KIAA1671: variants seen among roughly 807,000 people sequenced by gnomAD.
The protein encoded by KIAA1671 is uncharacterized protein KIAA1671.
KIAA1671 carries 52 observed loss-of-function variants against 131.2 expected under a neutral mutation model. That is an observed-to-expected ratio of 0.40 (90% CI 0.32 to 0.50). KIAA1671 has a LOEUF of 0.50. Among genes scored for constraint, KIAA1671 ranks in the 20% least tolerant of loss-of-function variants. The pLI, the probability that KIAA1671 is intolerant of heterozygous loss-of-function variation, is 0.73. For missense variants in KIAA1671, 2,360 were observed against 2,364.2 expected, an observed-to-expected ratio of 1.00 and a Z score of 0.04; for synonymous variants, 1,003 against 961.6, an observed-to-expected ratio of 1.04 and a Z score of -0.80.
At chr22:25,160,297 C>T (rs760788096) in intron 6 of KIAA1671, among the ~76,000 whole-genome samples, 16 of 152,270 alleles carry the variant, frequency 1.1e-4, no homozygotes, top group Non-Finnish European at 1.5e-4. Flanking sequence ...CAGGTGCACA[C>T]GGGTGTGCCC....
intron 1 of KIAA1671, among the ~76,000 whole-genome samples, chr22:24,988,631 G>A (rs1923676512): frequency 6.6e-6 from 1 of 151,586 alleles, no homozygotes; most frequent in South Asian, 2.1e-4. Flanking sequence ...AGCTACTTGG[G>A]AGGCTGAGGC....
intron 4 of KIAA1671, among the ~76,000 whole-genome samples, chr22:25,033,145 G>T (rs1178674316): frequency 1.3e-5 from 2 of 152,162 alleles, no homozygotes; most frequent in African/African-American, 4.8e-5. Context: ...CACTTTGGGA[G>T]GCTGAGGTGG....
At chr22:25,047,052 C>T (rs1366980647) in intron 5 of KIAA1671, among the ~76,000 whole-genome samples, 3 of 151,548 alleles carry the variant, frequency 2.0e-5, no homozygotes, top group Non-Finnish European at 2.9e-5. Flanking sequence ...CTCACTGCGG[C>T]CTCAACCTCC....
chr22:25,037,169 A>G (rs1469209644), intron 4 of KIAA1671, among the ~76,000 whole-genome samples: 1 of 152,180 alleles, frequency 6.6e-6, no homozygotes, highest in Non-Finnish European at 1.5e-5. Context: ...CTAAAAACAC[A>G]AAAATTGGCT....
intron 6 of KIAA1671, among the ~76,000 whole-genome samples, chr22:25,092,168 A>G (rs1427914833): frequency 4.6e-5 from 7 of 152,236 alleles, no homozygotes; most frequent in Non-Finnish European, 1.0e-4. Context: ...AATTCCAAAT[A>G]CAGATAAATG....
chr22:24,988,366 C>T (rs973984420), intron 1 of KIAA1671, among the ~76,000 whole-genome samples: 3 of 151,866 alleles, frequency 2.0e-5, no homozygotes, highest in African/African-American at 7.2e-5. Flanking sequence ...TCTATTCTGA[C>T]CCCCGCTCAG....
At position 25,177,517 on chromosome 22, in the gene KIAA1671, C is replaced by T; in HGVS notation, c.5069C>T (p.Ser1690Leu). Reference protein sequence around the residue: ...ETDNTWMFKDSTEEKSPRKEE... With the variant: ...ETDNTWMFKDLTEEKSPRKEE... ...GACAACACGTGGATGTTCAAAGACTCAACGGGTATGCCATGACTTCTCTCC... is the reference window on the plus strand; with the variant it reads ...GACAACACGTGGATGTTCAAAGACTTAACGGGTATGCCATGACTTCTCTCC... The change falls in exon 9 of 13, where the codon TCA becomes TTA. Residue 1690 changes from serine to leucine, a missense_variant. Physicochemically the swap from Ser to Leu is moderately radical, Grantham distance 145. This residue lies in a region of KIAA1671 where 1,161 missense variants were observed against 1,204.7 expected (regional missense o/e 0.96). Transcript: ENST00000358431. The T allele has an allele frequency of 6.4e-7, 1 of 1,550,450 alleles. No individual in the cohort carries two copies. The highest frequency in any genetic ancestry group is 8.7e-7 in the Non-Finnish European group (1 of 1,145,930).
chr22:25,117,298 T>C (rs183926508), intron 6 of KIAA1671, among the ~76,000 whole-genome samples: 31 of 152,238 alleles, frequency 2.0e-4, no homozygotes, highest in African/African-American at 7.0e-4. Flanking sequence ...ACCACACAGC[T>C]GCCCCTGTGG....
chr22:24,957,362 G>C lies in KIAA1671; in HGVS notation c.-208+4590G>C, dbSNP rs1921768314. 2.6e-5 allele frequency among the ~76,000 whole-genome samples: 4 copies of C among 152,298 alleles called. No individual in the cohort carries two copies. The South Asian group carries it at 6.2e-4, about 24-fold the overall frequency. Reference sequence around the variant, plus strand: ...ACCCAGAATTCAGGATGTGCTGAATGAATAAAAGTTAGACCATGGGCAGCA... The same window carrying C: ...ACCCAGAATTCAGGATGTGCTGAATCAATAAAAGTTAGACCATGGGCAGCA... On this transcript the variant is annotated intron_variant, in intron 1 of 12. Coordinates refer to ENST00000358431, the MANE Select transcript of KIAA1671 (RefSeq NM_001145206.2).
chr22:25,133,718 T>A (rs531030664), intron 6 of KIAA1671, among the ~76,000 whole-genome samples: 11 of 152,034 alleles, frequency 7.2e-5, no homozygotes, highest in African/African-American at 2.2e-4. Flanking sequence ...AATTAAAAAA[T>A]TTTTTTTCTT....
intron 1 of KIAA1671, among the ~76,000 whole-genome samples, chr22:24,955,383 G>A (rs1293671974): frequency 6.6e-6 from 1 of 152,196 alleles, no homozygotes; most frequent in East Asian, 1.9e-4. Flanking sequence ...AGGAGGAGGG[G>A]CTGATGCCTT....
intron 11 of KIAA1671, 165 bp downstream of exon 11, chr22:25,185,284 C>T: frequency 1.2e-6 from 1 of 800,940 alleles, no homozygotes; most frequent in East Asian, 2.9e-5. Context: ...ACTCAGATAC[C>T]TAAAAAGTAC....
At chr22:25,000,131 C>A (rs1924361859) in intron 1 of KIAA1671, among the ~76,000 whole-genome samples, 1 of 150,396 alleles carries the variant, frequency 6.6e-6, no homozygotes, top group African/African-American at 2.5e-5. Context: ...GATCCACCTG[C>A]CTCGGCCTCC....
At chr22:24,964,588 A>T (rs913479168) in intron 1 of KIAA1671, among the ~76,000 whole-genome samples, 2 of 152,068 alleles carry the variant, frequency 1.3e-5, no homozygotes, top group African/African-American at 2.4e-5. Context: ...TGTCCAGCTA[A>T]TTAAAAAATT....
intron 11 of KIAA1671, among the ~76,000 whole-genome samples, chr22:25,187,905 C>T (rs1568999184): frequency 6.6e-6 from 1 of 152,126 alleles, no homozygotes; most frequent in Non-Finnish European, 1.5e-5. Flanking sequence ...AAAGTAGTAC[C>T]ATGTAGATGG....
intron 6 of KIAA1671, among the ~76,000 whole-genome samples, chr22:25,166,545 G>A (rs995074484): frequency 1.3e-5 from 2 of 152,044 alleles, no homozygotes; most frequent in African/African-American, 2.4e-5. Flanking sequence ...AGCCCTGAGG[G>A]GGATCCCCCT....
intron 6 of KIAA1671, among the ~76,000 whole-genome samples, chr22:25,154,884 A>G (rs1315427433): frequency 6.6e-6 from 1 of 152,188 alleles, no homozygotes; most frequent in Non-Finnish European, 1.5e-5. Context: ...CCAGGCACAC[A>G]AAATAGTAGG....
At chr22:25,058,814 C>T (rs879934854) in intron 6 of KIAA1671, 1 of 152,232 alleles carries the variant, frequency 6.6e-6, no homozygotes, top group African/African-American at 2.4e-5. Flanking sequence ...ATCTGGAAGC[C>T]TCATCACTTA....
At chr22:25,169,772 G>C (rs2146010729) in intron 6 of KIAA1671, among the ~76,000 whole-genome samples, 1 of 151,922 alleles carries the variant, frequency 6.6e-6, no homozygotes, top group South Asian at 2.1e-4. Flanking sequence ...TGCCCTCTCT[G>C]AGTGCCCAGG....
Sources: allele counts gnomAD v4.1 joint callset (sites outside exome capture counted in the v4.1 genomes callset), GRCh38; gene constraint gnomAD v4.1.1; regional missense constraint gnomAD v4.1.1; transcripts MANE v1.5; gene names NCBI Gene and HGNC (gene_info 2026-07-23, HGNC 2026-07-21).